The following ZC3HAV1 variants were observed in gnomAD, a reference collection of about 807,000 sequenced individuals.
The protein encoded by ZC3HAV1 is zinc finger CCCH-type containing, antiviral 1.
In ZC3HAV1, 41 loss-of-function variants were observed where a neutral mutation model predicts 86.6. The ratio of observed to expected loss-of-function variants is 0.47; its 90% CI spans 0.37 to 0.61. ZC3HAV1 has a LOEUF of 0.61. ZC3HAV1 is among the 20% of genes least tolerant of loss of function. The pLI, the probability that ZC3HAV1 is intolerant of heterozygous loss-of-function variation, is 0.00. For missense variants in ZC3HAV1, 964 were observed against 1,141.1 expected, an observed-to-expected ratio of 0.84 and a Z score of 2.24; for synonymous variants, 421 against 432.1, an observed-to-expected ratio of 0.97 and a Z score of 0.32.
At chr7:139,091,967 TC>T (rs1262583957) in intron 1 of ZC3HAV1, among the ~76,000 whole-genome samples, 1 of 152,148 alleles carries the variant, frequency 6.6e-6, no homozygotes, top group Non-Finnish European at 1.5e-5. Flanking sequence ...CTCAAAGTTC[TC>T]CCCGCCCCCG....
chr7:139,067,440 T>C (rs1035792337), intron 7 of ZC3HAV1, among the ~76,000 whole-genome samples: 2 of 152,182 alleles, frequency 1.3e-5, no homozygotes, highest in Admixed American at 1.3e-4. Flanking sequence ...CATGAGCTAC[T>C]GCACCTGGCC....
chr7:139,073,096 G>A (rs1189875392), intron 7 of ZC3HAV1, among the ~76,000 whole-genome samples: 4 of 152,078 alleles, frequency 2.6e-5, no homozygotes, highest in Non-Finnish European at 5.9e-5. Flanking sequence ...AGGAGTTCAC[G>A]ACTAGCCTGT....
chr7:139,062,079 G>A (rs535359557), intron 8 of ZC3HAV1, among the ~76,000 whole-genome samples: 19 of 152,356 alleles, frequency 1.2e-4, no homozygotes, highest in Non-Finnish European at 2.2e-4. Flanking sequence ...TGAGGTGTAT[G>A]TGGTGTTGCT....
At chr7:139,055,321 T>G in intron 9 of ZC3HAV1, 26 bp from the exon 10 acceptor site, 1 of 1,597,218 alleles carries the variant, frequency 6.3e-7, no homozygotes, top group Non-Finnish European at 8.6e-7. Context: ...AAGAATTCAC[T>G]TAACTCTCTG....
rs748473964 is a variant in ZC3HAV1, at chr7:139,079,548, C to T, written c.1393G>A (p.Ala465Thr). The T allele has an allele frequency of 6.2e-7, 1 of 1,614,212 alleles. No homozygotes were observed. The highest frequency in any genetic ancestry group is 1.1e-5 in the South Asian group (1 of 91,086). ...REISSPRIQD[A>T]GPASRDVQAT... Reference sequence around the variant, plus strand: ...TGGACATCTCGGGAAGCAGGTCCAGCATCCTGAATCCTAGGTGATGATATT... The same window carrying T: ...TGGACATCTCGGGAAGCAGGTCCAGTATCCTGAATCCTAGGTGATGATATT... The change falls in exon 4 of 13, where the codon GCT (alanine) becomes ACT (threonine). Residue 465 changes from alanine to threonine, a missense_variant. By Grantham distance (58) the Ala-to-Thr change is moderately conservative. Transcript: ENST00000242351.
intron 1 of ZC3HAV1, among the ~76,000 whole-genome samples, chr7:139,102,778 C>G (rs1817813130): frequency 6.8e-6 from 1 of 147,440 alleles, no homozygotes; most frequent in Non-Finnish European, 1.5e-5. Flanking sequence ...CACAAATTAG[C>G]CAGGTATGGT....
At chr7:139,100,287 T>A (rs1215388929) in intron 1 of ZC3HAV1, among the ~76,000 whole-genome samples, 1 of 152,094 alleles carries the variant, frequency 6.6e-6, no homozygotes, top group Non-Finnish European at 1.5e-5. Flanking sequence ...ATCCCAGCAC[T>A]TTGGGAGGCC....
At chr7:139,104,578 C>G (rs1489821432) in intron 1 of ZC3HAV1, among the ~76,000 whole-genome samples, 1 of 152,002 alleles carries the variant, frequency 6.6e-6, no homozygotes, top group Non-Finnish European at 1.5e-5. Flanking sequence ...AAAAAATTAG[C>G]CAGGCGTGGT....
At chr7:139,098,577 G>A (rs1371303526) in intron 1 of ZC3HAV1, among the ~76,000 whole-genome samples, 8 of 152,174 alleles carry the variant, frequency 5.3e-5, no homozygotes, top group Non-Finnish European at 1.0e-4. Flanking sequence ...TGGGGCAGGA[G>A]GGTGGCTTGA....
At chr7:139,063,027 CAAAAAAAAAAAAAAA>C (rs58859916) in intron 8 of ZC3HAV1, among the ~76,000 whole-genome samples, 3 of 68,102 alleles carry the variant, frequency 4.4e-5, no homozygotes, top group Non-Finnish European at 8.5e-5. Flanking sequence ...GACTCTGTCT[CAAAAAAAAAAAAAAA>C]AAAAAAAAAG....
chr7:139,061,221 T>C, intron 8 of ZC3HAV1, 83 bp from the exon 9 acceptor site: 1 of 1,343,026 alleles, frequency 7.4e-7, no homozygotes, highest in Non-Finnish European at 1.0e-6. Context: ...CAGAGGCTAT[T>C]TACACGGCAA....
chr7:139,061,272 C>A, intron 8 of ZC3HAV1, 134 bp from the exon 9 acceptor site: 1 of 811,790 alleles, frequency 1.2e-6, no homozygotes, highest in South Asian at 1.8e-5. Flanking sequence ...TAGAGAAAAT[C>A]CTTTGGGATG....
At position 139,074,012 on chromosome 7, in the gene ZC3HAV1, A is replaced by G. The variant is rs746365029; in HGVS notation, c.1716T>C (p.Tyr572=). The G allele has an allele frequency of 5.6e-6, 9 of 1,612,718 alleles. No individual in the cohort carries two copies. The highest frequency in any genetic ancestry group is 7.6e-6 in the Non-Finnish European group (9 of 1,179,152). ...AACTCATTACCCGAAAATTGATTGT[A>G]TAACTTCCTACAGAACAGCTGAGAG... ...PGIHLCSVGS[Y]TINFRVMSCD... is the part of the protein sequence containing the mutation. Residue 572 remains tyrosine, a synonymous_variant, in exon 7 of 13, where the codon TAT becomes TAC. Transcript: ENST00000242351.
intron 4 of ZC3HAV1, chr7:139,079,143 C>T (rs563503799): frequency 6.5e-7 from 1 of 1,536,162 alleles, no homozygotes; most frequent in Non-Finnish European, 8.7e-7. Flanking sequence ...AGCTCGCTGG[C>T]AGAGGAAACA....
intron 1 of ZC3HAV1, among the ~76,000 whole-genome samples, chr7:139,092,258 G>A (rs1358096423): frequency 1.3e-5 from 2 of 152,144 alleles, no homozygotes; most frequent in African/African-American, 4.8e-5. Flanking sequence ...GAGTCAGCTT[G>A]CACAAGTTAA....
At chr7:139,055,077 ACTG>A in intron 10 of ZC3HAV1, 125 bp downstream of exon 10, 1 of 813,984 alleles carries the variant, frequency 1.2e-6, no homozygotes, top group South Asian at 1.7e-5. Context: ...GGGCTGAGCC[ACTG>A]CACCCAGCCG....
Position 139,080,045 on chromosome 7 carries a change from T to TA in ZC3HAV1, c.895dup (p.Tyr299LeufsTer19). Reference sequence around the variant, plus strand: ...CCGAGCGCGATCCTGACTCCCCAGATACGTGAACTTGCGGGTGAGATCGTC... The same window carrying TA: ...CCGAGCGCGATCCTGACTCCCCAGATAACGTGAACTTGCGGGTGAGATCGTC... On this transcript the variant is annotated frameshift_variant, in exon 4 of 13. Transcript: ENST00000242351. LOFTEE classifies it high-confidence loss of function. 6.2e-7 allele frequency: 1 copy of TA among 1,614,164 alleles called. No homozygotes were observed.
Position 139,046,368 on chromosome 7 carries a change from T to C in ZC3HAV1, c.*1226A>G, listed in dbSNP as rs1002108099. The C allele has an allele frequency of 1.1e-4, 16 of 152,220 alleles. No individual in the cohort carries two copies. Among genetic ancestry groups the C allele is most frequent in the Non-Finnish European group, 2.4e-4 (16 of 68,036 alleles). 9.4% of individuals were successfully genotyped at this position (152,220 alleles called of 1,614,324 possible). Reference sequence around the variant, plus strand: ...AGGTTCTTGGCTCACTTGCCAAGACTACAATAGCACTCGCGTTTATCAGTT... The same window carrying C: ...AGGTTCTTGGCTCACTTGCCAAGACCACAATAGCACTCGCGTTTATCAGTT... On this transcript the variant is annotated 3_prime_UTR_variant, in exon 13 of 13. Transcript: ENST00000242351.
At chr7:139,076,107 C>T (rs1379985303) in intron 6 of ZC3HAV1, among the ~76,000 whole-genome samples, 179 bp downstream of exon 6, 1 of 152,214 alleles carries the variant, frequency 6.6e-6, no homozygotes, top group Non-Finnish European at 1.5e-5. Context: ...ACCCACCCAG[C>T]TGTGGTTTTC....
Sources: gnomAD v4.1 joint callset for allele counts (sites outside exome capture counted in the v4.1 genomes callset) on GRCh38, gnomAD v4.1.1 for gene constraint, MANE v1.5 for transcripts, NCBI Gene and HGNC (gene_info 2026-07-23, HGNC 2026-07-21) for gene names.